Variants in GATAD2B observed in about 807,000 individuals in gnomAD.
GATAD2B encodes transcriptional repressor p66-beta.
GATAD2B carries 8 observed loss-of-function variants against 64.3 expected under a neutral mutation model. The observed-to-expected ratio is 0.12, with a 90% CI of 0.07 to 0.22. The LOEUF is 0.22. Among genes scored for constraint, GATAD2B ranks in the 10% least tolerant of loss-of-function variants. The pLI is 1.00. For synonymous variants in GATAD2B, 281 were observed against 271.3 expected (o/e 1.04, Z -0.35); for missense variants, 453 against 752.0 (o/e 0.60, Z 4.65).
At chr1:153,855,979 A>C (rs1676072597) in intron 1 of GATAD2B, among the ~76,000 whole-genome samples, 1 of 152,154 alleles carries the variant, frequency 6.6e-6, no homozygotes, top group African/African-American at 2.4e-5. Flanking sequence ...CACCGTGCCC[A>C]GTCAGCTCCT....
intron 1 of GATAD2B, among the ~76,000 whole-genome samples, chr1:153,828,822 T>C (rs1378445491): frequency 6.6e-6 from 1 of 152,152 alleles, no homozygotes; most frequent in East Asian, 1.9e-4. Context: ...GAAGCACTAT[T>C]TTTTTCTTTA....
chr1:153,811,939 T>C, intron 9 of GATAD2B, 83 bp downstream of exon 9: 1 of 1,263,922 alleles, frequency 7.9e-7, no homozygotes, highest in Non-Finnish European at 1.2e-6. Flanking sequence ...AAGACTATGA[T>C]TTCCCACAAT....
At chr1:153,836,400 G>A (rs552538612) in intron 1 of GATAD2B, among the ~76,000 whole-genome samples, 2 of 151,014 alleles carry the variant, frequency 1.3e-5, no homozygotes, top group East Asian at 3.9e-4. Flanking sequence ...ACAGGTGTTC[G>A]CCACCATACT....
chr1:153,878,121 A>G (rs1676890578), intron 1 of GATAD2B, among the ~76,000 whole-genome samples: 2 of 151,902 alleles, frequency 1.3e-5, no homozygotes, highest in South Asian at 4.2e-4. Context: ...CAGCCTGGGG[A>G]ATAAGCAGAA....
intron 1 of GATAD2B, among the ~76,000 whole-genome samples, chr1:153,874,267 A>G (rs1001280114): frequency 1.3e-5 from 1 of 74,236 alleles, no homozygotes; most frequent in Admixed American, 1.8e-4. Flanking sequence ...GTCTCAAAAG[A>G]AAAAAAAAAG....
intron 1 of GATAD2B, among the ~76,000 whole-genome samples, chr1:153,893,691 T>C (rs1033974311): frequency 5.3e-5 from 8 of 151,790 alleles, no homozygotes; most frequent in African/African-American, 1.9e-4. Flanking sequence ...CCAGGCACAC[T>C]GGCTCATGCC....
chr1:153,812,752 G>GA (rs1674337627), intron 8 of GATAD2B, among the ~76,000 whole-genome samples: 1 of 152,174 alleles, frequency 6.6e-6, no homozygotes, highest in Admixed American at 6.5e-5. Context: ...GAAATAGGAA[G>GA]AAAAGGATCT....
intron 1 of GATAD2B, among the ~76,000 whole-genome samples, chr1:153,876,870 GC>G (rs1425391180): frequency 6.6e-6 from 1 of 151,990 alleles, no homozygotes; most frequent in Non-Finnish European, 1.5e-5. Context: ...GGGCATGGTG[GC>G]AGGCGCCTGT....
chr1:153,908,587 G>C (rs1022515804), intron 1 of GATAD2B, among the ~76,000 whole-genome samples: 4 of 151,362 alleles, frequency 2.6e-5, no homozygotes, highest in African/African-American at 9.7e-5. Flanking sequence ...TCCTGCCTCA[G>C]CCTTCCCAGT....
intron 2 of GATAD2B, among the ~76,000 whole-genome samples, chr1:153,821,608 C>A (rs1674686032): frequency 6.6e-6 from 1 of 151,952 alleles, no homozygotes; most frequent in Non-Finnish European, 1.5e-5. Context: ...GCTCTGTCGC[C>A]CAGGCTGGAG....
At chr1:153,904,612 T>A (rs554342469) in intron 1 of GATAD2B, among the ~76,000 whole-genome samples, 2 of 152,112 alleles carry the variant, frequency 1.3e-5, no homozygotes, top group Non-Finnish European at 1.5e-5. Flanking sequence ...CATGACCTCA[T>A]CTCACTGCAA....
chr1:153,860,610 C>T (rs566273501), intron 1 of GATAD2B, among the ~76,000 whole-genome samples: 1 of 152,080 alleles, frequency 6.6e-6, no homozygotes, highest in Non-Finnish European at 1.5e-5. Context: ...ATTAAGATTC[C>T]AGGCACGACT....
chr1:153,820,263 C>A (rs1674632162), intron 2 of GATAD2B, among the ~76,000 whole-genome samples: 1 of 152,126 alleles, frequency 6.6e-6, no homozygotes, highest in South Asian at 2.1e-4. Flanking sequence ...GAACTTGCAT[C>A]TACTTACCAG....
At chr1:153,897,180 C>T (rs1391790711) in intron 1 of GATAD2B, among the ~76,000 whole-genome samples, 2 of 151,996 alleles carry the variant, frequency 1.3e-5, no homozygotes, top group African/African-American at 4.8e-5. Context: ...CAGGTGCCCG[C>T]CACCTCACCC....
chr1:153,891,574 T>TAAAAAAAAAAAA (rs1163572311), intron 1 of GATAD2B, among the ~76,000 whole-genome samples: 4 of 19,944 alleles, frequency 2.0e-4, no homozygotes, highest in Admixed American at 1.2e-3. Flanking sequence ...CTGTCTCGTT[T>TAAAAAAAAAAAA]AAAAAAAAAA....
chr1:153,867,051 TAC>T (rs1335795059), intron 1 of GATAD2B, among the ~76,000 whole-genome samples: 2 of 152,126 alleles, frequency 1.3e-5, no homozygotes, highest in African/African-American at 4.8e-5. Flanking sequence ...GTGCTGGTAT[TAC>T]AGACTCAAGC....
At chr1:153,825,475 G>A (rs1215245130) in intron 2 of GATAD2B, among the ~76,000 whole-genome samples, 1 of 152,134 alleles carries the variant, frequency 6.6e-6, no homozygotes, top group Non-Finnish European at 1.5e-5. Context: ...CCAGGTTGGA[G>A]TGCAGTGGCA....
chr1:153,921,712 T>C (rs1678436911), intron 1 of GATAD2B: 1 of 152,358 alleles, frequency 6.6e-6, no homozygotes, highest in South Asian at 2.1e-4. Flanking sequence ...GGTTGCTAGC[T>C]AGCTCAGTTA....
intron 1 of GATAD2B, among the ~76,000 whole-genome samples, chr1:153,843,476 T>C (rs565244187): frequency 6.1e-4 from 93 of 152,182 alleles, no homozygotes; most frequent in African/African-American, 2.2e-3. Flanking sequence ...GGTTTTGTCA[T>C]GTTGCCCAGG....
Sources: gnomAD v4.1 joint callset for allele counts (sites outside exome capture counted in the v4.1 genomes callset) on GRCh38, gnomAD v4.1.1 for gene constraint, MANE v1.5 for transcripts, NCBI Gene and HGNC (gene_info 2026-07-23, HGNC 2026-07-21) for gene names.